Variants in KCTD1 observed in about 807,000 individuals in gnomAD.
The protein encoded by KCTD1 is BTB/POZ domain-containing protein KCTD1.
A neutral mutation model predicts 66.0 loss-of-function variants in KCTD1; 24 were observed. The observed-to-expected ratio is 0.36, with a 90% confidence interval of 0.26 to 0.51. The LOEUF is 0.51. Ranked by LOEUF, KCTD1 falls within the 20% of genes least tolerant of loss-of-function variation. The pLI, the probability that KCTD1 is intolerant of heterozygous loss-of-function variation, is 0.95. For synonymous variants in KCTD1, 511 were observed against 517.2 expected (o/e 0.99, Z 0.16); for missense variants, 943 against 1,205.2 (o/e 0.78, Z 3.22).
intron 1 of KCTD1, among the ~76,000 whole-genome samples, chr18:26,524,653 G>A (rs985973576): frequency 3.3e-5 from 5 of 152,106 alleles, no homozygotes; most frequent in African/African-American, 1.2e-4. Context: ...AAACCCATAT[G>A]TGGTATGTAC....
intron 1 of KCTD1, chr18:26,599,319 G>T: frequency 8.5e-7 from 1 of 1,172,882 alleles, no homozygotes; most frequent in Non-Finnish European, 1.2e-6. Context: ...CAATTGACTG[G>T]GGGAGAAGCC....
Position 26,547,352 on chromosome 18 carries a change from C to T in KCTD1, c.1185G>A (p.Leu395=), listed in dbSNP as rs1311910168. Residue 395 remains leucine, a synonymous_variant, in exon 1 of 5, where the codon CTG becomes CTA. Transcript: ENST00000580059. The part of the protein sequence containing the change: ...FCPYASFVKY[L]SKRNPLCKAF... ...CCTTGCAGAGAGGGTTGCGTTTCGA[C>T]AGGTACTTGACGAAGCTGGCGTAGG... The T allele has an allele frequency of 1.3e-6, 2 of 1,551,532 alleles. No individual in the cohort carries two copies. The highest frequency in any genetic ancestry group is 1.7e-6 in the Non-Finnish European group (2 of 1,146,870).
At chr18:26,576,919 A>G (rs994619596) in intron 1 of KCTD1, among the ~76,000 whole-genome samples, 1 of 152,172 alleles carries the variant, frequency 6.6e-6, no homozygotes, top group African/African-American at 2.4e-5. Flanking sequence ...GTCCATTACC[A>G]CTGTTTATTT....
chr18:26,635,553 G>A (rs1398311952), intron 1 of KCTD1, among the ~76,000 whole-genome samples: 1 of 152,304 alleles, frequency 6.6e-6, no homozygotes, highest in East Asian at 1.9e-4. Flanking sequence ...CCTCTCTGCC[G>A]TTCTGAGCAT....
Position 26,548,548 on chromosome 18 carries a change from T to A in KCTD1, c.-12A>T. On this transcript the variant is annotated 5_prime_UTR_variant, in exon 1 of 5. Coordinates refer to ENST00000580059, the MANE Select transcript of KCTD1 (RefSeq NM_001142730.3). ...GGCATTCTCGCCATATTGCCGTCTC[T>A]CTGCCAGTCCTCGGGCAGGGCGCAT... 8.2e-7 allele frequency: 1 copy of A among 1,217,748 alleles called. No individual in the cohort carries two copies. The highest frequency in any genetic ancestry group is 1.0e-6 in the Non-Finnish European group (1 of 980,788). 75.4% of individuals were successfully genotyped at this position (1,217,748 alleles called of 1,614,324 possible).
intron 1 of KCTD1, among the ~76,000 whole-genome samples, chr18:26,502,351 C>T (rs532455237): frequency 6.6e-6 from 1 of 152,206 alleles, no homozygotes; most frequent in African/African-American, 2.4e-5. Flanking sequence ...GCCCAGCCCG[C>T]CCTGCTAATT....
chr18:26,651,205 C>T (rs62085533), intron 1 of KCTD1, among the ~76,000 whole-genome samples: 7,619 of 152,218 alleles, frequency 0.05, 247 homozygotes, highest in South Asian at 0.076. Flanking sequence ...GAATGGAAGC[C>T]GGTGGCAGAA....
intron 1 of KCTD1, among the ~76,000 whole-genome samples, chr18:26,520,506 G>A (rs1046148094): frequency 1.3e-5 from 2 of 150,354 alleles, no homozygotes; most frequent in African/African-American, 2.4e-5. Flanking sequence ...AGATTTATAC[G>A]AAGACAATTT....
chr18:26,547,845 A>G lies in KCTD1; in HGVS notation c.692T>C (p.Ile231Thr). ...GAGGTAGCGGTTGAGGGAGCTGCGG[A>G]TGCTGATGAGCGACGACTTGCTGTA... ...QLYSKSSLIS[I>T]RSSLNRYLNE... The change falls in exon 1 of 5, where the codon ATC becomes ACC. Residue 231 changes from isoleucine to threonine, a missense_variant. Ile to Thr is a moderately conservative substitution (Grantham distance 89). This residue lies in a region of KCTD1 where 2 missense variants were observed against 18.4 expected (regional missense o/e 0.11). Coordinates refer to ENST00000580059, the MANE Select transcript of KCTD1 (RefSeq NM_001142730.3). 6.5e-7 allele frequency: 1 copy of G among 1,541,634 alleles called. No homozygotes were observed. Among genetic ancestry groups the G allele is most frequent in the Non-Finnish European group, 8.7e-7 (1 of 1,146,834 alleles).
rs559746247 is a variant in KCTD1 at position 26,636,079 on chromosome 18, G to C, written c.-107+4232C>G. ...GAATGAGTGGACAGTTTTAGACTGA[G>C]TTCAGTCCAACAGCAAGGGCCATTT... On this transcript the variant is annotated intron_variant, in intron 1 of 5. Transcript: ENST00000579973. Among the ~76,000 whole-genome samples, 54 of 152,270 alleles carry C rather than the reference G, an allele frequency of 3.5e-4. No homozygotes were observed. The East Asian group carries it at 7.7e-3, about 22-fold the overall frequency.
rs894173038 is a variant in KCTD1, at chr18:26,468,325, G to A, written c.2133+8190C>T. On this transcript the variant is annotated intron_variant, in intron 3 of 4. Coordinates refer to ENST00000580059, the MANE Select transcript of KCTD1 (RefSeq NM_001142730.3). This position sits in a 1 kb window ranked among gnomAD's most constrained non-coding sequence, Gnocchi z 4.8. ...GGACAGGAGCAACTGCCACTTAAATGGTGTTCTGAAATATGAAATTATCTC... is the reference window on the plus strand; with the variant it reads ...GGACAGGAGCAACTGCCACTTAAATAGTGTTCTGAAATATGAAATTATCTC... Among the ~76,000 whole-genome samples the A allele has an allele frequency of 1.3e-5, 2 of 152,184 alleles. No individual in the cohort carries two copies. Among genetic ancestry groups the A allele is most frequent in the African/African-American group, 4.8e-5 (2 of 41,446 alleles).
At chr18:26,625,321 C>T (rs183279351) in intron 1 of KCTD1, among the ~76,000 whole-genome samples, 138 of 152,222 alleles carry the variant, frequency 9.1e-4, no homozygotes, top group Middle Eastern at 3.4e-3. Flanking sequence ...TGTGTCCCCA[C>T]GCCATGTCTC....
At chr18:26,554,962 TTCTC>T (rs1245398763) in intron 1 of KCTD1, among the ~76,000 whole-genome samples, 1 of 152,206 alleles carries the variant, frequency 6.6e-6, no homozygotes, top group Non-Finnish European at 1.5e-5. Context: ...AGTCATTTCT[TTCTC>T]TATCTTCTAG....
At chr18:26,526,981 T>C (rs1984193302) in intron 1 of KCTD1, among the ~76,000 whole-genome samples, 1 of 151,928 alleles carries the variant, frequency 6.6e-6, no homozygotes, top group Admixed American at 6.6e-5. Flanking sequence ...GCGTAAACAG[T>C]GGAGCTGTGA....
At chr18:26,585,322 A>G (rs946315094) in intron 1 of KCTD1, among the ~76,000 whole-genome samples, 11 of 152,208 alleles carry the variant, frequency 7.2e-5, no homozygotes, top group African/African-American at 2.2e-4. Flanking sequence ...CTTAAGGCCT[A>G]AAGTTACCAT....
intron 1 of KCTD1, among the ~76,000 whole-genome samples, chr18:26,623,272 C>T (rs1987428388): frequency 6.6e-6 from 1 of 152,136 alleles, no homozygotes; most frequent in Non-Finnish European, 1.5e-5. Flanking sequence ...CCATGGCTTC[C>T]TAATGTCTAT....
At chr18:26,607,633 A>G (rs892295912) in intron 1 of KCTD1, among the ~76,000 whole-genome samples, 1 of 152,182 alleles carries the variant, frequency 6.6e-6, no homozygotes, top group Non-Finnish European at 1.5e-5. Context: ...CACATATTGG[A>G]GGATGTGTTT....
At chr18:26,562,426 T>TG (rs1310485475) in intron 1 of KCTD1, among the ~76,000 whole-genome samples, 2 of 1,758 alleles carry the variant, frequency 1.1e-3, no homozygotes, top group African/African-American at 2.3e-3. Flanking sequence ...TGAAGCCCGG[T>TG]GGGGGGTGGG....
exon 1 of KCTD1, chr18:26,629,206 C>A: frequency 1.0e-6 from 1 of 985,426 alleles, no homozygotes; most frequent in Non-Finnish European, 1.2e-6. Flanking sequence ...GTGTGCAGTG[C>A]AGGCTTGAGG....
Sources: allele counts gnomAD v4.1 joint callset (sites outside exome capture counted in the v4.1 genomes callset), GRCh38; gene constraint gnomAD v4.1.1; regional missense constraint gnomAD v4.1.1; non-coding constraint Gnocchi (gnomAD v3.1); transcripts MANE v1.5; gene names NCBI Gene and HGNC (gene_info 2026-07-23, HGNC 2026-07-21).